The following SYNJ2 variants were observed in gnomAD, a reference collection of about 807,000 sequenced individuals.
SYNJ2 encodes the protein polyphosphatidylinositol phosphatase SYNJ2.
A neutral mutation model predicts 141.3 loss-of-function variants in SYNJ2; 116 were observed. The ratio of observed to expected loss-of-function variants is 0.82; its 90% CI spans 0.71 to 0.96. The LOEUF (loss-of-function observed/expected upper bound fraction) is 0.96. Among genes scored for constraint, SYNJ2 ranks in the 40% least tolerant of loss-of-function variants. The pLI, the probability that SYNJ2 is intolerant of heterozygous loss-of-function variation, is 0.00. For missense variants in SYNJ2, 1,873 were observed against 1,934.8 expected (o/e 0.97, Z 0.60); for synonymous variants, 745 against 777.7 (o/e 0.96, Z 0.70).
intron 4 of SYNJ2, among the ~76,000 whole-genome samples, chr6:158,035,928 A>G (rs367777754): frequency 2.6e-5 from 4 of 152,106 alleles, no homozygotes; most frequent in African/African-American, 7.2e-5. Context: ...ACAAAGGTCT[A>G]ACACCCAGCA....
intron 1 of SYNJ2, among the ~76,000 whole-genome samples, chr6:158,016,828 G>A (rs992411357): frequency 3.9e-5 from 6 of 152,186 alleles, no homozygotes; most frequent in Admixed American, 2.6e-4. Context: ...GTGCCTTGGA[G>A]TGAGTGGGCA....
In SYNJ2 at chr6:158,098,259, T is replaced by C. The variant is rs1444907548; in HGVS notation, c.*1895T>C. 1 of 152,194 alleles carries C rather than the reference T, an allele frequency of 6.6e-6. No homozygotes were observed. Among genetic ancestry groups the C allele is most frequent in the African/African-American group, 2.4e-5 (1 of 41,434 alleles). The allele number at this position is 152,194 out of a possible 1,614,324, so 9.4% of individuals were successfully genotyped here. On this transcript the variant is annotated 3_prime_UTR_variant, in exon 27 of 27. Coordinates refer to ENST00000355585, the MANE Select transcript of SYNJ2 (RefSeq NM_003898.4). ...AGTTGCTTGCAGTGCTGGAAATAGA[T>C]CTCATTTTTAGGTTTTCTCTTCGTT...
intron 2 of SYNJ2, among the ~76,000 whole-genome samples, chr6:158,021,426 A>T (rs1252323314): frequency 6.6e-6 from 1 of 152,234 alleles, no homozygotes; most frequent in East Asian, 1.9e-4. Context: ...GTAGCCATGA[A>T]GAGTGTGGAG....
chr6:158,094,075 C>T (rs1026066163), intron 26 of SYNJ2: 4 of 742,422 alleles, frequency 5.4e-6, no homozygotes, highest in African/African-American at 3.4e-5. Context: ...GATGCTGCTT[C>T]CCCCCTAGAG....
intron 2 of SYNJ2, among the ~76,000 whole-genome samples, chr6:158,019,183 C>T (rs1179754837): frequency 6.6e-6 from 1 of 152,212 alleles, no homozygotes; most frequent in Admixed American, 6.5e-5. Context: ...TTGGTCCTTA[C>T]ATGAATGACT....
At chr6:158,076,868 C>T in intron 17 of SYNJ2, 86 bp downstream of exon 17, 21 of 1,451,826 alleles carry the variant, frequency 1.4e-5, no homozygotes, top group East Asian at 2.4e-5. Context: ...CAACCCCAGG[C>T]GCTGCTACAT....
chr6:158,015,488 G>C (rs1210021355), intron 1 of SYNJ2, among the ~76,000 whole-genome samples: 1 of 152,194 alleles, frequency 6.6e-6, no homozygotes, highest in Non-Finnish European at 1.5e-5. Context: ...ATCTTTATTT[G>C]TATAAATCCT....
chr6:158,038,921 A>G (rs1779784561), intron 4 of SYNJ2, among the ~76,000 whole-genome samples: 3 of 152,242 alleles, frequency 2.0e-5, no homozygotes, highest in Admixed American at 2.0e-4. Context: ...ACACAGGTGA[A>G]CTGGAAGAGC....
At chr6:157,999,129 T>C (rs1207961644) in intron 1 of SYNJ2, among the ~76,000 whole-genome samples, 16 of 152,136 alleles carry the variant, frequency 1.1e-4, no homozygotes, top group East Asian at 1.9e-4. Context: ...AACAGAGAAA[T>C]TGGCAAAGGA....
chr6:158,063,694 T>C (rs894149227), intron 8 of SYNJ2, 97 bp from the exon 9 acceptor site: 1 of 709,016 alleles, frequency 1.4e-6, no homozygotes, highest in Admixed American at 2.6e-5. Context: ...AAAACCATGT[T>C]TCCTTGGGAG....
chr6:157,991,951 C>T (rs1777441910), intron 1 of SYNJ2, among the ~76,000 whole-genome samples: 1 of 152,122 alleles, frequency 6.6e-6, no homozygotes, highest in East Asian at 1.9e-4. Context: ...GCTGGTTTAG[C>T]AGATTCTTGT....
intron 1 of SYNJ2, among the ~76,000 whole-genome samples, chr6:158,012,126 G>A (rs1394659304): frequency 2.0e-5 from 3 of 152,128 alleles, no homozygotes; most frequent in East Asian, 1.9e-4. Context: ...CAGAGTCCGA[G>A]TGTCTCACCA....
rs60234675 is a variant in SYNJ2, at chr6:158,081,605, CTTTTTTTTTTTTT to C, written c.2865+113_2865+125del. On this transcript the variant is annotated intron_variant, in intron 20 of 26. Transcript: ENST00000355585. ...TTCCTCCTCTTGCCCTGACCTGTGC[CTTTTTTTTTTTTT>C]TTTTTTTTTTTTTTTTTCTCTGAGA... The C allele has an allele frequency of 1.8e-4, 39 of 213,284 alleles. No homozygotes were observed. In the East Asian group the frequency reaches 2.3e-3, roughly 12 times the overall value. The allele number at this position is 213,284 out of a possible 1,614,324, so 13.2% of individuals were successfully genotyped here.
In SYNJ2 at chr6:157,982,406, T is replaced by C. The variant is rs765106891; in HGVS notation, c.127+318T>C. Among the ~76,000 whole-genome samples the C allele has an allele frequency of 6.6e-6, 1 of 152,182 alleles. No individual in the cohort carries two copies. The highest frequency in any genetic ancestry group is 1.5e-5 in the Non-Finnish European group (1 of 68,022). ...TTCATGAGGATCCCGGGGTGTTGACTTAGCCGGCCTGACCCTGTGCCTGGC... is the reference window on the plus strand; with the variant it reads ...TTCATGAGGATCCCGGGGTGTTGACCTAGCCGGCCTGACCCTGTGCCTGGC... On this transcript the variant is annotated intron_variant, in intron 1 of 26. Transcript: ENST00000355585. This position sits in a 1 kb window ranked among gnomAD's most constrained non-coding sequence, Gnocchi z 4.0.
At chr6:158,079,726 C>T (rs945167115) in intron 18 of SYNJ2, among the ~76,000 whole-genome samples, 1 of 152,170 alleles carries the variant, frequency 6.6e-6, no homozygotes, top group Non-Finnish European at 1.5e-5. Context: ...AGAAGTGAAT[C>T]TTGAGGAATC....
chr6:158,068,140 TAA>T (rs35047437), intron 12 of SYNJ2, among the ~76,000 whole-genome samples: 50,001 of 125,758 alleles, frequency 0.4, 9,307 homozygotes, highest in Admixed American at 0.48. Flanking sequence ...TTGTTTTATT[TAA>T]AAAAAAAAAA....
chr6:158,074,287 G>C (rs777808064), intron 15 of SYNJ2, among the ~76,000 whole-genome samples: 2 of 152,174 alleles, frequency 1.3e-5, no homozygotes, highest in Non-Finnish European at 2.9e-5. Flanking sequence ...TCTTCAGGAC[G>C]GGGATCCATG....
chr6:158,086,983 C>T lies in SYNJ2; in HGVS notation c.3337C>T (p.Pro1113Ser), dbSNP rs61748684. The change falls in exon 23 of 27, where the codon CCT becomes TCT. Residue 1113 changes from proline (P) to serine (S), a missense_variant. Pro to Ser is a moderately conservative substitution (Grantham distance 74, BLOSUM62 -1). Coordinates refer to ENST00000355585, the MANE Select transcript of SYNJ2 (RefSeq NM_003898.4). ...RPPQPPQRPPPPTGLMVKKSA... is the reference protein window; with the variant it reads ...RPPQPPQRPPSPTGLMVKKSA... The stretch of plus-strand genomic sequence containing the variant: ...ACCTCAACCCCCGCAGAGACCCCCC[C>T]CTCCAAGTAAGACTCTGCTTGCTTT... 21 of 1,502,778 alleles carry T rather than the reference C, an allele frequency of 1.4e-5. No homozygotes were observed. The highest frequency in any genetic ancestry group is 2.2e-5 in the South Asian group (2 of 89,354). The allele number at this position is 1,502,778 out of a possible 1,614,324, so 93.1% of individuals were successfully genotyped here.
At position 158,081,175 on chromosome 6, in the gene SYNJ2, C is replaced by T. The variant is rs549135114; in HGVS notation, c.2634C>T (p.Phe878=). The T allele has an allele frequency of 1.2e-6, 2 of 1,614,074 alleles. No homozygotes were observed. Among genetic ancestry groups the T allele is most frequent in the Non-Finnish European group, 1.7e-6 (2 of 1,180,008 alleles). The part of the protein sequence containing the change: ...EVDVGARERV[F]QEVSSFQGPL... ...ATGTGGGTGCTCGGGAGAGGGTTTT[C>T]CAGGAAGTGTCCTCCTTCCAGGGCC... The change falls in exon 19 of 27, where the codon TTC becomes TTT. Residue 878 remains phenylalanine (F), a synonymous_variant. Transcript: ENST00000355585.
Sources: allele counts gnomAD v4.1 joint callset (sites outside exome capture counted in the v4.1 genomes callset), GRCh38; gene constraint gnomAD v4.1.1; non-coding constraint Gnocchi (gnomAD v3.1); transcripts MANE v1.5; gene names NCBI Gene and HGNC (gene_info 2026-07-23, HGNC 2026-07-21).